Variants in WDR72 observed in about 807,000 individuals in gnomAD.
WDR72 encodes the protein WD repeat-containing protein 72.
A neutral mutation model predicts 124.2 loss-of-function variants in WDR72; 120 were observed. The observed-to-expected ratio is 0.97, with a 90% CI of 0.83 to 1.12. The LOEUF is 1.12. Ranked by LOEUF, WDR72 falls within the 50% of genes most tolerant of loss-of-function variation. The pLI is 0.00. For missense variants in WDR72, 1,387 were observed against 1,278.8 expected, an observed-to-expected ratio of 1.08 and a Z score of -1.29; for synonymous variants, 452 against 441.7, an observed-to-expected ratio of 1.02 and a Z score of -0.29.
intron 14 of WDR72, among the ~76,000 whole-genome samples, chr15:53,654,483 T>C (rs1050070542): frequency 2.0e-5 from 3 of 152,196 alleles, no homozygotes; most frequent in African/African-American, 7.2e-5. Flanking sequence ...TGTTTTAAAA[T>C]ACAAGAACTT....
chr15:53,720,074 C>T (rs1198502511), intron 3 of WDR72, among the ~76,000 whole-genome samples: 1 of 151,934 alleles, frequency 6.6e-6, no homozygotes, highest in Non-Finnish European at 1.5e-5. Context: ...ATTTATTCTA[C>T]TAATTTATTT....
At chr15:53,664,289 C>T (rs920493932) in intron 14 of WDR72, among the ~76,000 whole-genome samples, 4 of 152,094 alleles carry the variant, frequency 2.6e-5, no homozygotes, top group Admixed American at 2.0e-4. Context: ...AACCAGAATG[C>T]CAATTAAAGA....
At chr15:53,667,585 T>C (rs555521386) in intron 13 of WDR72, among the ~76,000 whole-genome samples, 7 of 152,284 alleles carry the variant, frequency 4.6e-5, no homozygotes, top group African/African-American at 1.4e-4. Context: ...ATAAGAGTTA[T>C]TACTGCTTCC....
At chr15:53,734,117 G>A (rs964670578) in intron 1 of WDR72, among the ~76,000 whole-genome samples, 13 of 152,002 alleles carry the variant, frequency 8.6e-5, no homozygotes, top group Admixed American at 2.0e-4. Flanking sequence ...TAAAACTTAT[G>A]ATACATGTTA....
At chr15:53,583,520 T>A (rs923599817) in intron 18 of WDR72, among the ~76,000 whole-genome samples, 1 of 152,000 alleles carries the variant, frequency 6.6e-6, no homozygotes. Context: ...CTATGGTGTC[T>A]GATGTTACCA....
intron 14 of WDR72, among the ~76,000 whole-genome samples, chr15:53,631,648 G>A (rs1003760120): frequency 6.6e-6 from 1 of 152,198 alleles, no homozygotes; most frequent in African/African-American, 2.4e-5. Flanking sequence ...GGACGGTGAA[G>A]GCCAGGCTGA....
intron 13 of WDR72, among the ~76,000 whole-genome samples, chr15:53,686,159 G>T (rs2016615433): frequency 6.9e-6 from 1 of 144,664 alleles, no homozygotes; most frequent in African/African-American, 2.6e-5. Flanking sequence ...CAACTAATGA[G>T]CAAAATCACC....
At chr15:53,532,115 TG>T (rs1363163094) in intron 18 of WDR72, among the ~76,000 whole-genome samples, 1 of 152,036 alleles carries the variant, frequency 6.6e-6, no homozygotes, top group African/African-American at 2.4e-5. Context: ...CTAGTCAAAA[TG>T]GCTTTTAGAC....
chr15:53,613,394 G>C (rs2013624953), intron 16 of WDR72, among the ~76,000 whole-genome samples: 1 of 151,978 alleles, frequency 6.6e-6, no homozygotes, highest in African/African-American at 2.4e-5. Flanking sequence ...CAAATGTTAT[G>C]TCTATGTTTT....
intron 13 of WDR72, among the ~76,000 whole-genome samples, chr15:53,678,358 G>C (rs1476345154): frequency 1.3e-5 from 2 of 152,080 alleles, no homozygotes; most frequent in Non-Finnish European, 2.9e-5. Context: ...TAGTATTGGG[G>C]CTAAGAAACA....
chr15:53,666,277 GT>G (rs745621111), intron 13 of WDR72, among the ~76,000 whole-genome samples: 103 of 152,138 alleles, frequency 6.8e-4, no homozygotes, highest in Non-Finnish European at 1.2e-3. Flanking sequence ...GGGCTTTGCT[GT>G]TTTATTGTTG....
intron 1 of WDR72, among the ~76,000 whole-genome samples, chr15:53,742,706 T>C (rs747821600): frequency 1.3e-5 from 2 of 152,180 alleles, no homozygotes; most frequent in Non-Finnish European, 2.9e-5. Context: ...GACTATATTA[T>C]AGAGGTCAAA....
At chr15:53,605,336 C>G (rs1303243199) in intron 17 of WDR72, among the ~76,000 whole-genome samples, 1 of 152,090 alleles carries the variant, frequency 6.6e-6, no homozygotes, top group East Asian at 1.9e-4. Flanking sequence ...CTGCAACCTA[C>G]TGAAGAACAG....
At chr15:53,693,853 G>C (rs1009280425) in intron 13 of WDR72, among the ~76,000 whole-genome samples, 2 of 152,182 alleles carry the variant, frequency 1.3e-5, no homozygotes, top group Non-Finnish European at 2.9e-5. Flanking sequence ...TTTAAAACTT[G>C]GAGTGTGTTT....
intron 14 of WDR72, among the ~76,000 whole-genome samples, chr15:53,633,253 G>A (rs184096990): frequency 2.0e-4 from 30 of 152,208 alleles, no homozygotes; most frequent in Non-Finnish European, 3.5e-4. Flanking sequence ...CATGAGATAC[G>A]GTTGTTTAAA....
chr15:53,722,784 T>G lies in WDR72; in HGVS notation c.260+18A>C. 1 of 1,608,974 alleles carries G rather than the reference T, an allele frequency of 6.2e-7. No homozygotes were observed. The highest frequency in any genetic ancestry group is 8.5e-7 in the Non-Finnish European group (1 of 1,175,666). ...GAAGGAAATGGAGAAGGGGACAAAG[T>G]TTACATACCATACCTACCCATTTTC... On this transcript the variant is annotated intron_variant, in intron 3 of 19. Transcript: ENST00000360509.
intron 1 of WDR72, among the ~76,000 whole-genome samples, chr15:53,752,526 A>T (rs1449101034): frequency 6.6e-6 from 1 of 152,170 alleles, no homozygotes; most frequent in African/African-American, 2.4e-5. Flanking sequence ...AAACCACGAG[A>T]AGCTAAGTGA....
chr15:53,597,058 A>T (rs774334023), intron 18 of WDR72, 21 bp downstream of exon 18: 14 of 1,611,380 alleles, frequency 8.7e-6, no homozygotes, highest in Non-Finnish European at 7.6e-6. Flanking sequence ...GAAAGAGTAT[A>T]CCAATAAATT....
intron 2 of WDR72, among the ~76,000 whole-genome samples, chr15:53,726,758 C>A (rs947949208): frequency 6.6e-6 from 1 of 152,030 alleles, no homozygotes; most frequent in African/African-American, 2.4e-5. Context: ...GTGGAAGAAT[C>A]GCTTGAGCTC....
Sources: gnomAD v4.1 joint callset for allele counts (sites outside exome capture counted in the v4.1 genomes callset) on GRCh38, gnomAD v4.1.1 for gene constraint, MANE v1.5 for transcripts, NCBI Gene and HGNC (gene_info 2026-07-23, HGNC 2026-07-21) for gene names.